The following TG variants were observed in gnomAD, a reference collection of about 807,000 sequenced individuals.
The protein encoded by TG is thyroglobulin.
In TG, 270 loss-of-function variants were observed where a neutral mutation model predicts 324.7. That is an observed-to-expected ratio of 0.83 (90% CI 0.75 to 0.92). TG has a LOEUF of 0.92. Ranked by LOEUF, TG falls within the 40% of genes least tolerant of loss-of-function variation. The probability of loss-of-function intolerance (pLI) is 0.00; values close to 1 mark genes in which losing one functional copy is unlikely to be tolerated. For missense variants in TG, 3,591 were observed against 3,456.4 expected, an observed-to-expected ratio of 1.04 and a Z score of -0.98; for synonymous variants, 1,401 against 1,327.0, an observed-to-expected ratio of 1.06 and a Z score of -1.21.
chr8:132,950,351 G>A (rs1465676581), intron 27 of TG, among the ~76,000 whole-genome samples: 1 of 152,206 alleles, frequency 6.6e-6, no homozygotes. Context: ...AGGGTCAGTG[G>A]GATTCTTTCT....
chr8:133,026,788 C>T (rs1233012302), intron 40 of TG, among the ~76,000 whole-genome samples: 1 of 152,212 alleles, frequency 6.6e-6, no homozygotes, highest in Non-Finnish European at 1.5e-5. Context: ...AATGCTCCCC[C>T]AGTGGGTGCC....
In TG at chr8:132,911,619, A is replaced by G. The variant is rs1279337807; in HGVS notation, c.4159+86A>G. On this transcript the variant is annotated intron_variant, in intron 19 of 47. Coordinates refer to ENST00000220616, the MANE Select transcript of TG (RefSeq NM_003235.5). ...CTCATCTGCCAAATGGAGCTGGTGAAGAAGCCCATGATGTCTTCTTGTGAA... is the reference window on the plus strand; with the variant it reads ...CTCATCTGCCAAATGGAGCTGGTGAGGAAGCCCATGATGTCTTCTTGTGAA... 5.2e-6 allele frequency: 6 copies of G among 1,146,480 alleles called. No individual in the cohort carries two copies. In the Admixed American group the frequency reaches 6.8e-5, roughly 13 times the overall value. The allele number at this position is 1,146,480 out of a possible 1,614,324, so 71.0% of individuals were successfully genotyped here. A position where few individuals can be genotyped will look rare whatever the true frequency, so the allele number is the denominator to read the frequency against.
chr8:132,995,431 G>A, intron 35 of TG: 2 of 985,290 alleles, frequency 2.0e-6, no homozygotes, highest in Non-Finnish European at 2.4e-6. Context: ...AGCTGTGTGA[G>A]CTTGGGCAAG....
intron 43 of TG, among the ~76,000 whole-genome samples, chr8:133,105,231 A>G (rs546858386): frequency 1.3e-5 from 2 of 152,318 alleles, no homozygotes; most frequent in Non-Finnish European, 2.9e-5. Flanking sequence ...AATTGACTAC[A>G]GGCTGTCTGT....
At chr8:133,069,991 G>T (rs1843711115) in intron 41 of TG, among the ~76,000 whole-genome samples, 1 of 109,116 alleles carries the variant, frequency 9.2e-6, no homozygotes, top group Admixed American at 1.1e-4. Flanking sequence ...ACAGAGCAAG[G>T]CTCCAGCTCC....
chr8:133,058,931 G>A (rs1403741844), intron 41 of TG: 1 of 462,024 alleles, frequency 2.2e-6, no homozygotes, highest in African/African-American at 2.0e-5. Flanking sequence ...GGTGTGGGGT[G>A]GCTGGGTCTT....
intron 25 of TG, among the ~76,000 whole-genome samples, chr8:132,936,848 T>C (rs1271458483): frequency 2.0e-5 from 3 of 152,154 alleles, no homozygotes; most frequent in Non-Finnish European, 4.4e-5. Flanking sequence ...CCTTCATAGC[T>C]GTTAAGGGCT....
At chr8:133,092,562 C>T (rs761601983) in intron 41 of TG, among the ~76,000 whole-genome samples, 59 of 152,258 alleles carry the variant, frequency 3.9e-4, no homozygotes, top group South Asian at 1.7e-3. Context: ...GCAGAGGACA[C>T]GCTTCTTCAC....
At chr8:133,121,958 C>CTCTT (rs1851175808) in intron 45 of TG, among the ~76,000 whole-genome samples, 1 of 152,192 alleles carries the variant, frequency 6.6e-6, no homozygotes, top group South Asian at 2.1e-4. Flanking sequence ...AAAGACATCT[C>CTCTT]TCTTTCTCTC....
Position 132,897,793 on chromosome 8 carries a change from AG to A in TG, c.3139+10del, listed in dbSNP as rs749507924. On this transcript the variant is annotated splice_region_variant and intron_variant, in intron 12 of 47. Transcript: ENST00000220616. ...CAGTGCCACGCTGGGACTGGTAAGG[AG>A]GGATAGGCACCTTCAGGTGGCCAAG... 2.5e-6 allele frequency: 4 copies of A among 1,613,926 alleles called. No homozygotes were observed. The African/African-American group carries it at 5.3e-5, about 22-fold the overall frequency.
intron 1 of TG, 29 bp from the exon 2 acceptor site, chr8:132,868,084 CTT>C (rs1423152271): frequency 3.1e-6 from 5 of 1,603,252 alleles, no homozygotes; most frequent in East Asian, 2.2e-5. Context: ...AGTCCACACT[CTT>C]CTTTGATGAA....
chr8:133,068,460 G>A (rs1843430004), intron 41 of TG, among the ~76,000 whole-genome samples: 1 of 152,198 alleles, frequency 6.6e-6, no homozygotes, highest in South Asian at 2.1e-4. Flanking sequence ...CCAGATTTGA[G>A]GCCTGTCAAT....
At chr8:133,112,569 A>G (rs1850348070) in intron 43 of TG, among the ~76,000 whole-genome samples, 1 of 150,952 alleles carries the variant, frequency 6.6e-6, no homozygotes, top group Non-Finnish European at 1.5e-5. Flanking sequence ...AGAGAAGGGG[A>G]GAGAAGGGGA....
intron 35 of TG, among the ~76,000 whole-genome samples, chr8:132,990,052 G>A (rs554063896): frequency 2.6e-4 from 40 of 151,980 alleles, no homozygotes; most frequent in Non-Finnish European, 5.4e-4. Context: ...TTCAAGAAAC[G>A]TCAGCAATAA....
In TG at chr8:133,113,582, G is replaced by T; in HGVS notation, c.7733G>T (p.Arg2578Leu). The T allele has an allele frequency of 6.2e-7, 1 of 1,614,024 alleles. No individual in the cohort carries two copies. Among genetic ancestry groups the T allele is most frequent in the Non-Finnish European group, 8.5e-7 (1 of 1,179,976 alleles). ...HSTDDYASFS[R>L]ALENATRDYF... ...ACGGATGACTATGCCTCCTTCTCCCGGGCTCTGGAGAATGCCACCCGGTAA... is the reference window on the plus strand; with the variant it reads ...ACGGATGACTATGCCTCCTTCTCCCTGGCTCTGGAGAATGCCACCCGGTAA... Residue 2578 changes from arginine (R) to leucine (L), a missense_variant, in exon 44 of 48, where the codon CGG becomes CTG. Physicochemically the swap from Arg to Leu is moderately radical, Grantham distance 102 (BLOSUM62 -2). Transcript: ENST00000220616.
chr8:132,890,365 T>G (rs2132192357), intron 10 of TG, among the ~76,000 whole-genome samples: 1 of 152,302 alleles, frequency 6.6e-6, no homozygotes, highest in South Asian at 2.1e-4. Context: ...GGGGTGCATA[T>G]TCAAACTCTT....
At chr8:133,090,669 G>A (rs1397029852) in intron 41 of TG, among the ~76,000 whole-genome samples, 2 of 152,146 alleles carry the variant, frequency 1.3e-5, no homozygotes, top group South Asian at 2.1e-4. Context: ...TACACATCAG[G>A]TATTTTCCCT....
intron 41 of TG, among the ~76,000 whole-genome samples, chr8:133,091,163 G>T (rs2739175): frequency 6.6e-6 from 1 of 152,148 alleles, no homozygotes; most frequent in Admixed American, 6.5e-5. Flanking sequence ...GTTTGTCCTC[G>T]TCTTCATTGT....
intron 10 of TG, among the ~76,000 whole-genome samples, chr8:132,889,544 T>C (rs975667962): frequency 7.9e-5 from 12 of 152,228 alleles, no homozygotes; most frequent in African/African-American, 2.7e-4. Flanking sequence ...TCCAATCAAA[T>C]GTCAAGTTCC....
Sources: gnomAD v4.1 joint callset for allele counts (sites outside exome capture counted in the v4.1 genomes callset) on GRCh38, gnomAD v4.1.1 for gene constraint, MANE v1.5 for transcripts, NCBI Gene and HGNC (gene_info 2026-07-23, HGNC 2026-07-21) for gene names.